MSRA: variants seen among roughly 807,000 people sequenced by gnomAD.
The protein encoded by MSRA is mitochondrial peptide methionine sulfoxide reductase.
Under a neutral mutation model 31.3 loss-of-function variants are expected in MSRA, and 54 were observed. That is an observed-to-expected ratio of 1.73 (90% confidence interval 1.39 to 2.17). The LOEUF (loss-of-function observed/expected upper bound fraction) is 2.17. Among genes scored for constraint, MSRA ranks in the 30% most tolerant of loss-of-function variants. The probability of loss-of-function intolerance (pLI) is 0.00; values close to 1 mark genes in which losing one functional copy is unlikely to be tolerated. For synonymous variants in MSRA, 169 were observed against 116.5 expected (o/e 1.45, Z -2.90); for missense variants, 507 against 300.9 (o/e 1.69, Z -5.07).
At chr8:10,366,109 G>C (rs926347435) in intron 5 of MSRA, among the ~76,000 whole-genome samples, 1 of 152,210 alleles carries the variant, frequency 6.6e-6, no homozygotes, top group East Asian at 1.9e-4. Context: ...GTGGCCTGTC[G>C]AAAGGGAAGA....
At chr8:10,398,578 C>G (rs1807248130) in intron 5 of MSRA, among the ~76,000 whole-genome samples, 1 of 152,184 alleles carries the variant, frequency 6.6e-6, no homozygotes, top group Non-Finnish European at 1.5e-5. Flanking sequence ...GGCAGGTGCC[C>G]CACGCTCTGT....
intron 5 of MSRA, among the ~76,000 whole-genome samples, chr8:10,394,250 C>G (rs767522906): frequency 6.6e-6 from 1 of 152,180 alleles, no homozygotes; most frequent in Non-Finnish European, 1.5e-5. Flanking sequence ...TGCATCTGTA[C>G]TTTTGGCAGC....
intron 1 of MSRA, among the ~76,000 whole-genome samples, chr8:10,153,455 G>T (rs1241456945): frequency 6.6e-6 from 1 of 151,996 alleles, no homozygotes; most frequent in Non-Finnish European, 1.5e-5. Flanking sequence ...ACATTTGGTT[G>T]TCTTTATCCT....
At chr8:10,234,323 TGAGATA>T (rs1811755928) in intron 2 of MSRA, among the ~76,000 whole-genome samples, 1 of 152,110 alleles carries the variant, frequency 6.6e-6, no homozygotes, top group East Asian at 1.9e-4. Flanking sequence ...ACTGCGGTAA[TGAGATA>T]GAGATTGTTC....
At chr8:10,177,021 T>G (rs1806110558) in intron 1 of MSRA, among the ~76,000 whole-genome samples, 1 of 152,250 alleles carries the variant, frequency 6.6e-6, no homozygotes, top group Non-Finnish European at 1.5e-5. Context: ...GAGCTCCTGT[T>G]TCTCAATAGA....
At chr8:10,065,591 A>G (rs1443395929) in intron 1 of MSRA, among the ~76,000 whole-genome samples, 1 of 152,206 alleles carries the variant, frequency 6.6e-6, no homozygotes, top group African/African-American at 2.4e-5. Context: ...TAAGATATGA[A>G]CCAAAGGATT....
At chr8:10,182,182 C>T (rs1240240307) in intron 1 of MSRA, among the ~76,000 whole-genome samples, 1 of 152,102 alleles carries the variant, frequency 6.6e-6, no homozygotes, top group Non-Finnish European at 1.5e-5. Context: ...GCAGCTATGT[C>T]AGGTTTCCTG....
intron 1 of MSRA, among the ~76,000 whole-genome samples, chr8:10,148,381 C>T (rs1803347091): frequency 6.6e-6 from 1 of 151,350 alleles, no homozygotes; most frequent in African/African-American, 2.4e-5. Context: ...GGCACGGTGG[C>T]TCATGCCTGT....
At chr8:10,353,897 G>C (rs940793205) in intron 5 of MSRA, 1 of 245,238 alleles carries the variant, frequency 4.1e-6, no homozygotes, top group Admixed American at 5.0e-5. Context: ...AAAGATGAAG[G>C]AAAGGGCTTT....
intron 5 of MSRA, among the ~76,000 whole-genome samples, chr8:10,393,931 G>T (rs770516514): frequency 6.6e-5 from 10 of 152,142 alleles, no homozygotes; most frequent in African/African-American, 9.7e-5. Flanking sequence ...CTGCAGGCAC[G>T]GGATATTTGG....
chr8:10,390,925 G>A (rs1401099888), intron 5 of MSRA, among the ~76,000 whole-genome samples: 1 of 150,754 alleles, frequency 6.6e-6, no homozygotes, highest in Non-Finnish European at 1.5e-5. Context: ...GCAGTGAGCC[G>A]AGATCGCGCC....
intron 1 of MSRA, among the ~76,000 whole-genome samples, chr8:10,080,850 A>T (rs1177496947): frequency 3.3e-5 from 5 of 152,104 alleles, no homozygotes; most frequent in Non-Finnish European, 1.5e-5. Flanking sequence ...TGGCAGCCTC[A>T]TCTTGAGTGT....
intron 3 of MSRA, among the ~76,000 whole-genome samples, chr8:10,246,052 C>A (rs1396818395): frequency 4.6e-5 from 7 of 151,386 alleles, no homozygotes; most frequent in Non-Finnish European, 8.8e-5. Flanking sequence ...TGCTGCCTAG[C>A]AAACTATTGA....
intron 4 of MSRA, among the ~76,000 whole-genome samples, chr8:10,315,923 A>G (rs1278157920): frequency 1.3e-5 from 2 of 152,262 alleles, no homozygotes; most frequent in Non-Finnish European, 2.9e-5. Flanking sequence ...CAAAATTCAC[A>G]CTATGATAAC....
chr8:10,214,098 G>T (rs1809766268), intron 2 of MSRA, among the ~76,000 whole-genome samples: 1 of 152,202 alleles, frequency 6.6e-6, no homozygotes, highest in African/African-American at 2.4e-5. Context: ...ATTCTCTGAA[G>T]ATTCTTCAAA....
intron 5 of MSRA, among the ~76,000 whole-genome samples, chr8:10,412,121 C>G (rs182513019): frequency 7.2e-5 from 11 of 152,298 alleles, no homozygotes; most frequent in Admixed American, 6.5e-4. Flanking sequence ...TTTCGCCATT[C>G]ATAAAGAAGG....
At chr8:10,153,760 G>A (rs79284836) in intron 1 of MSRA, among the ~76,000 whole-genome samples, 2,700 of 152,232 alleles carry the variant, frequency 0.018, 84 homozygotes, top group African/African-American at 0.061. Flanking sequence ...AAATATGTTC[G>A]AGGAGGAAGC....
chr8:10,192,848 C>T (rs1000705489), intron 1 of MSRA, among the ~76,000 whole-genome samples: 2 of 142,110 alleles, frequency 1.4e-5, no homozygotes, highest in South Asian at 2.4e-4. Flanking sequence ...AGTTTACCAC[C>T]GTTTATAACA....
At chr8:10,356,194 C>G (rs921865238) in intron 5 of MSRA, among the ~76,000 whole-genome samples, 1 of 152,206 alleles carries the variant, frequency 6.6e-6, no homozygotes, top group Non-Finnish European at 1.5e-5. Flanking sequence ...CTAGATCAAG[C>G]TTAGAACATT....
Sources: gnomAD v4.1 joint callset for allele counts (sites outside exome capture counted in the v4.1 genomes callset) on GRCh38, gnomAD v4.1.1 for gene constraint, MANE v1.5 for transcripts, NCBI Gene and HGNC (gene_info 2026-07-23, HGNC 2026-07-21) for gene names.